The following AGBL4 variants were observed in gnomAD, a reference collection of about 807,000 sequenced individuals.
AGBL4 encodes the protein AGBL carboxypeptidase 4.
AGBL4 carries 58 observed loss-of-function variants against 66.4 expected under a neutral mutation model. The observed-to-expected ratio is 0.87, with a 90% CI of 0.71 to 1.09. The LOEUF (loss-of-function observed/expected upper bound fraction) is 1.09, where lower values mean the gene tolerates loss of function less well. Ranked by LOEUF, AGBL4 falls within the 50% of genes least tolerant of loss-of-function variation. AGBL4 has a pLI of 0.00. For missense variants in AGBL4, 579 were observed against 631.0 expected, an observed-to-expected ratio of 0.92 and a Z score of 0.88; for synonymous variants, 234 against 222.9, an observed-to-expected ratio of 1.05 and a Z score of -0.44.
chr1:49,972,219 T>C (rs1417971584), intron 1 of AGBL4, among the ~76,000 whole-genome samples: 2 of 151,620 alleles, frequency 1.3e-5, no homozygotes, highest in African/African-American at 4.8e-5. Flanking sequence ...CAAGTGCAGG[T>C]TTTTTAGATG....
chr1:49,512,815 GCA>G (rs1349167117), intron 3 of AGBL4, among the ~76,000 whole-genome samples: 1 of 151,658 alleles, frequency 6.6e-6, no homozygotes, highest in African/African-American at 2.4e-5. Context: ...GAGGCACAGG[GCA>G]CACAATCTCA....
At chr1:48,944,907 C>T (rs963959896) in intron 5 of AGBL4, among the ~76,000 whole-genome samples, 1 of 152,170 alleles carries the variant, frequency 6.6e-6, no homozygotes, top group African/African-American at 2.4e-5. Flanking sequence ...TCTAACTCCA[C>T]CATAGGGGTT....
At chr1:49,912,238 A>T (rs1197544848) in intron 1 of AGBL4, among the ~76,000 whole-genome samples, 2 of 152,156 alleles carry the variant, frequency 1.3e-5, no homozygotes, top group Non-Finnish European at 2.9e-5. Context: ...TGCCTCTCAA[A>T]GTCAACAAGA....
intron 3 of AGBL4, among the ~76,000 whole-genome samples, chr1:49,587,985 T>C (rs1245462778): frequency 2.0e-5 from 3 of 152,140 alleles, no homozygotes. Flanking sequence ...ATTTCCTTCT[T>C]AAAATCTCTC....
intron 3 of AGBL4, among the ~76,000 whole-genome samples, chr1:49,435,099 A>G (rs1645873656): frequency 6.6e-6 from 1 of 152,048 alleles, no homozygotes; most frequent in African/African-American, 2.4e-5. Context: ...ATCTTACCGA[A>G]CCTTATATTC....
intron 6 of AGBL4, among the ~76,000 whole-genome samples, chr1:48,668,677 C>G (rs1261848908): frequency 1.3e-5 from 2 of 152,234 alleles, no homozygotes; most frequent in African/African-American, 4.8e-5. Context: ...AAGGAGGAAA[C>G]TGATGTTCAT....
At chr1:49,857,402 A>G (rs947455342) in intron 1 of AGBL4, among the ~76,000 whole-genome samples, 65 of 152,092 alleles carry the variant, frequency 4.3e-4, no homozygotes, top group African/African-American at 1.5e-3. Context: ...AAACACAAAT[A>G]CCCCAAATAG....
At chr1:48,727,263 T>C (rs1647339817) in intron 6 of AGBL4, among the ~76,000 whole-genome samples, 1 of 152,194 alleles carries the variant, frequency 6.6e-6, no homozygotes, top group Non-Finnish European at 1.5e-5. Context: ...ATTCAAATTA[T>C]TAGGGAAGCT....
intron 6 of AGBL4, among the ~76,000 whole-genome samples, chr1:48,745,687 A>G (rs1650625281): frequency 6.6e-6 from 1 of 152,148 alleles, no homozygotes; most frequent in Non-Finnish European, 1.5e-5. Flanking sequence ...CATCTCTCCA[A>G]TGAGGCTGCC....
intron 2 of AGBL4, among the ~76,000 whole-genome samples, chr1:49,741,763 T>C (rs1038647501): frequency 6.6e-6 from 1 of 152,148 alleles, no homozygotes; most frequent in Non-Finnish European, 1.5e-5. Context: ...AATCAATAAA[T>C]GTAGTCCAGC....
At chr1:48,854,234 C>T (rs755899291) in intron 6 of AGBL4, among the ~76,000 whole-genome samples, 8 of 152,176 alleles carry the variant, frequency 5.3e-5, no homozygotes, top group Non-Finnish European at 1.2e-4. Context: ...TAATCTTTTA[C>T]TCCATGATCT....
At chr1:49,121,034 A>G (rs1255008389) in intron 4 of AGBL4, among the ~76,000 whole-genome samples, 1 of 152,086 alleles carries the variant, frequency 6.6e-6, no homozygotes, top group African/African-American at 2.4e-5. Flanking sequence ...TGAAGTTCTC[A>G]TGCCATGGTT....
intron 1 of AGBL4, among the ~76,000 whole-genome samples, chr1:49,885,409 C>A (rs572439747): frequency 6.6e-6 from 1 of 151,998 alleles, no homozygotes; most frequent in South Asian, 2.1e-4. Context: ...TATATAGCTT[C>A]TTCCTAGCAT....
intron 5 of AGBL4, among the ~76,000 whole-genome samples, chr1:48,896,911 T>A (rs1651573334): frequency 6.6e-6 from 1 of 152,156 alleles, no homozygotes; most frequent in South Asian, 2.1e-4. Context: ...ACTTTTGGGG[T>A]CTTCAAGGGT....
intron 4 of AGBL4, among the ~76,000 whole-genome samples, chr1:49,225,899 C>T (rs1168043855): frequency 6.6e-6 from 1 of 152,164 alleles, no homozygotes; most frequent in Non-Finnish European, 1.5e-5. Context: ...CAGCAATCAG[C>T]TTGAGAACTA....
chr1:49,887,116 TA>T (rs1648122798), intron 1 of AGBL4, among the ~76,000 whole-genome samples: 1 of 150,584 alleles, frequency 6.6e-6, no homozygotes, highest in African/African-American at 2.4e-5. Context: ...ACAAGTGTAA[TA>T]AAGTGCTTTA....
chr1:49,299,042 T>C (rs1644695901), intron 3 of AGBL4, among the ~76,000 whole-genome samples: 1 of 152,186 alleles, frequency 6.6e-6, no homozygotes, highest in Non-Finnish European at 1.5e-5. Flanking sequence ...TACTAAGTCC[T>C]TATTGTGTAA....
chr1:48,842,407 C>G (rs1368604579), intron 6 of AGBL4, among the ~76,000 whole-genome samples: 1 of 152,144 alleles, frequency 6.6e-6, no homozygotes, highest in Non-Finnish European at 1.5e-5. Flanking sequence ...TTGATCAGGA[C>G]TTTCCATTCG....
intron 3 of AGBL4, among the ~76,000 whole-genome samples, chr1:49,350,771 C>G (rs35185599): frequency 0.44 from 66,404 of 151,802 alleles, 17,068 homozygotes; most frequent in Non-Finnish European, 0.58. Flanking sequence ...AACCTTCCCC[C>G]CAACTCCCCA....
Sources: allele counts gnomAD v4.1 joint callset (sites outside exome capture counted in the v4.1 genomes callset), GRCh38; gene constraint gnomAD v4.1.1; transcripts MANE v1.5; gene names NCBI Gene and HGNC (gene_info 2026-07-23, HGNC 2026-07-21).